NIPBL: variants seen among roughly 807,000 people sequenced by gnomAD.
NIPBL encodes nipped-B-like protein.
NIPBL carries 19 observed loss-of-function variants against 321.8 expected under a neutral mutation model. The ratio of observed to expected loss-of-function variants is 0.06; its 90% confidence interval spans 0.04 to 0.09. The LOEUF is 0.09. Among genes scored for constraint, NIPBL ranks in the 10% least tolerant of loss-of-function variants. NIPBL has a pLI of 1.00. For synonymous variants in NIPBL, 1,106 were observed against 1,114.1 expected (o/e 0.99, Z 0.14); for missense variants, 2,210 against 3,327.0 (o/e 0.66, Z 8.26).
chr5:36,956,187 C>T (rs567578518), intron 3 of NIPBL, among the ~76,000 whole-genome samples: 183 of 151,884 alleles, frequency 1.2e-3, no homozygotes, highest in African/African-American at 4.2e-3. Context: ...GCCGAGATCA[C>T]GCCACTGCAC....
intron 9 of NIPBL, among the ~76,000 whole-genome samples, chr5:36,976,900 C>G (rs1743533909): frequency 6.6e-6 from 1 of 151,912 alleles, no homozygotes; most frequent in African/African-American, 2.4e-5. Context: ...TTTTAGTAAA[C>G]AAATCATGGA....
rs1752009266 is a variant in NIPBL, at chr5:37,038,846, A to T, written c.6108+108A>T. ...TTCTCACTGACAGATCAACTGTGTC[A>T]TTTACTTAGATATATGTACTATTTG... On this transcript the variant is annotated intron_variant, in intron 34 of 46. Transcript: ENST00000282516. The T allele has an allele frequency of 3.7e-6, 4 of 1,091,058 alleles. No individual in the cohort carries two copies. The East Asian group carries it at 7.7e-5, about 21-fold the overall frequency. 67.6% of individuals were successfully genotyped at this position (1,091,058 alleles called of 1,614,324 possible).
intron 1 of NIPBL, among the ~76,000 whole-genome samples, chr5:36,948,921 A>G (rs1739979260): frequency 6.6e-6 from 1 of 151,872 alleles, no homozygotes; most frequent in African/African-American, 2.4e-5. Context: ...TTTAAACTGG[A>G]TGTTTCAATC....
intron 1 of NIPBL, among the ~76,000 whole-genome samples, chr5:36,912,425 GTC>G (rs1470683043): frequency 6.6e-6 from 1 of 152,094 alleles, no homozygotes; most frequent in Non-Finnish European, 1.5e-5. Flanking sequence ...TTATGGAGCG[GTC>G]AGTCTGAGAA....
Position 36,970,814 on chromosome 5 carries a change from AC to A in NIPBL, c.611-61del, listed in dbSNP as rs1298611704. On this transcript the variant is annotated intron_variant, in intron 6 of 46. Coordinates refer to ENST00000282516, the MANE Select transcript of NIPBL (RefSeq NM_133433.4). ...ATGCTTAAAATATTTGTGAATAATT[AC>A]TATTCTCCAAGAATGTTAAGAATCT... 5.2e-6 allele frequency: 7 copies of A among 1,357,976 alleles called. No individual in the cohort carries two copies. In the Admixed American group the frequency reaches 1.2e-4, roughly 24 times the overall value. 84.1% of individuals were successfully genotyped at this position (1,357,976 alleles called of 1,614,324 possible).
chr5:37,012,393 C>G (rs1024024105), intron 21 of NIPBL, among the ~76,000 whole-genome samples: 1 of 148,350 alleles, frequency 6.7e-6, no homozygotes, highest in Non-Finnish European at 1.5e-5. Context: ...CTTTGATATC[C>G]TGAATCAGTA....
chr5:36,893,198 A>G (rs1746477364), intron 1 of NIPBL, among the ~76,000 whole-genome samples: 1 of 152,230 alleles, frequency 6.6e-6, no homozygotes, highest in Admixed American at 6.5e-5. Flanking sequence ...TACATACACT[A>G]TAATGAAATC....
chr5:36,916,437 A>C (rs566419847), intron 1 of NIPBL, among the ~76,000 whole-genome samples: 1 of 152,326 alleles, frequency 6.6e-6, no homozygotes, highest in Non-Finnish European at 1.5e-5. Context: ...GTTTTACTAA[A>C]ACCACGGAAG....
At chr5:37,046,767 G>A (rs552857380) in intron 38 of NIPBL, among the ~76,000 whole-genome samples, 1 of 152,222 alleles carries the variant, frequency 6.6e-6, no homozygotes, top group Non-Finnish European at 1.5e-5. Context: ...AGGTCTATGT[G>A]GCTTATATCT....
intron 20 of NIPBL, among the ~76,000 whole-genome samples, chr5:37,009,869 A>G (rs1747901620): frequency 6.6e-6 from 1 of 152,186 alleles, no homozygotes; most frequent in African/African-American, 2.4e-5. Flanking sequence ...TAAATACTGT[A>G]TTTTTCCTTT....
chr5:36,980,676 T>G (rs1195644718), intron 9 of NIPBL, among the ~76,000 whole-genome samples: 1 of 151,664 alleles, frequency 6.6e-6, no homozygotes, highest in Non-Finnish European at 1.5e-5. Flanking sequence ...CTATATCATC[T>G]AGGTTTATGT....
At chr5:37,052,964 G>GCTCTTC (rs1753727341) in intron 42 of NIPBL, among the ~76,000 whole-genome samples, 1 of 152,074 alleles carries the variant, frequency 6.6e-6, no homozygotes, top group South Asian at 2.1e-4. Flanking sequence ...CCTTAATGAA[G>GCTCTTC]GGAAGTCACT....
At chr5:37,003,108 G>A (rs1007550361) in intron 15 of NIPBL, among the ~76,000 whole-genome samples, 153 bp from the exon 16 acceptor site, 3 of 151,784 alleles carry the variant, frequency 2.0e-5, no homozygotes, top group Admixed American at 1.3e-4. Flanking sequence ...GGGTCGTTGA[G>A]TAGAAGTTCT....
At chr5:36,949,019 A>C (rs892821206) in intron 1 of NIPBL, among the ~76,000 whole-genome samples, 1 of 151,924 alleles carries the variant, frequency 6.6e-6, no homozygotes, top group African/African-American at 2.4e-5. Flanking sequence ...AGTAAGATGC[A>C]GAAGAATATA....
At chr5:36,936,534 A>T (rs1304808665) in intron 1 of NIPBL, among the ~76,000 whole-genome samples, 3 of 152,156 alleles carry the variant, frequency 2.0e-5, no homozygotes, top group Non-Finnish European at 4.4e-5. Flanking sequence ...TTGCACAGTG[A>T]TGAAATTGCC....
intron 1 of NIPBL, among the ~76,000 whole-genome samples, chr5:36,939,521 A>G (rs1738831482): frequency 6.6e-6 from 1 of 152,146 alleles, no homozygotes. Flanking sequence ...TGGCTCTACC[A>G]TCGTTGGTTT....
intron 1 of NIPBL, among the ~76,000 whole-genome samples, chr5:36,897,007 A>AT (rs532306217): frequency 0.01 from 1,461 of 143,522 alleles, 12 homozygotes; most frequent in African/African-American, 0.031. Flanking sequence ...ACTTTTATAT[A>AT]TTTTTTTTTT....
chr5:37,014,257 G>A (rs1284385409), intron 21 of NIPBL, among the ~76,000 whole-genome samples: 2 of 151,558 alleles, frequency 1.3e-5, no homozygotes, highest in African/African-American at 4.8e-5. Flanking sequence ...AGAGGGAGAG[G>A]GAGGGAGAGC....
intron 17 of NIPBL, among the ~76,000 whole-genome samples, chr5:37,007,049 C>G (rs1747520410): frequency 6.6e-6 from 1 of 151,870 alleles, no homozygotes. Context: ...TATAATCTTA[C>G]TATCCTGCTC....
Sources: allele counts gnomAD v4.1 joint callset (sites outside exome capture counted in the v4.1 genomes callset), GRCh38; gene constraint gnomAD v4.1.1; transcripts MANE v1.5; gene names NCBI Gene and HGNC (gene_info 2026-07-23, HGNC 2026-07-21).